The following CENPF variants were observed in gnomAD, a reference collection of about 807,000 sequenced individuals.
CENPF encodes centromere protein F.
In CENPF, 214 loss-of-function variants were observed where a neutral mutation model predicts 307.3. That is an observed-to-expected ratio of 0.70 (90% CI 0.62 to 0.78). CENPF has a LOEUF of 0.78. CENPF is among the 30% of genes least tolerant of loss of function. The probability of loss-of-function intolerance (pLI) is 0.00; values close to 1 mark genes in which losing one functional copy is unlikely to be tolerated. For missense variants in CENPF, 3,401 were observed against 3,483.9 expected (o/e 0.98, Z 0.60); for synonymous variants, 1,259 against 1,270.6 (o/e 0.99, Z 0.19).
At chr1:214,636,616 A>G (rs1236991744) in intron 10 of CENPF, among the ~76,000 whole-genome samples, 1 of 152,170 alleles carries the variant, frequency 6.6e-6, no homozygotes, top group Non-Finnish European at 1.5e-5. Flanking sequence ...GCTTTGCTAC[A>G]TCGGTACCCA....
rs11120368 is a variant in CENPF, at chr1:214,628,956, C to T, written c.1069-90C>T. ...CCTAAACATAAATTGTGTGCTAAAA[C>T]AATTATAGCAGTTTTTCTAAAACAC... On this transcript the variant is annotated intron_variant, in intron 7 of 19. Transcript: ENST00000366955. 13,593 of 956,280 alleles carry T rather than the reference C, an allele frequency of 0.014. 1,188 individuals carry two copies. The African/African-American group carries it at 0.2, about 14-fold the overall frequency. 59.2% of individuals were successfully genotyped at this position (956,280 alleles called of 1,614,324 possible). A position where few individuals can be genotyped will look rare whatever the true frequency, so the allele number is the denominator to read the frequency against.
intron 5 of CENPF, 120 bp downstream of exon 5, chr1:214,619,340 G>GTGT: frequency 1.9e-6 from 1 of 539,516 alleles, no homozygotes. Flanking sequence ...GTGTGTGTGT[G>GTGT]CTGAGAAAAG....
At chr1:214,605,633 G>C in intron 1 of CENPF, 1 of 1,507,836 alleles carries the variant, frequency 6.6e-7, no homozygotes, top group Non-Finnish European at 8.9e-7. Flanking sequence ...GTGAGGTCCG[G>C]GGGCTGCCTT....
At chr1:214,634,087 C>T (rs978347751) in intron 10 of CENPF, among the ~76,000 whole-genome samples, 10 of 152,192 alleles carry the variant, frequency 6.6e-5, no homozygotes, top group East Asian at 1.9e-4. Flanking sequence ...TTCATCCCCA[C>T]GAGGTCTGGT....
In CENPF at chr1:214,646,524, C is replaced by G; in HGVS notation, c.6954C>G (p.Leu2318=). 1 of 1,614,108 alleles carries G rather than the reference C, an allele frequency of 6.2e-7. No individual in the cohort carries two copies. Residue 2318 remains leucine, a synonymous_variant, in exon 13 of 20, where the codon CTC becomes CTG. Transcript: ENST00000366955. ...ARLEADEKKQ[L]CVLQQLKESE... Reference sequence around the variant, plus strand: ...TAGAAGCTGATGAAAAGAAGCAGCTCTGTGTCTTACAACAACTGAAGGAAA... The same window carrying G: ...TAGAAGCTGATGAAAAGAAGCAGCTGTGTGTCTTACAACAACTGAAGGAAA...
rs371608412 is a variant in CENPF at position 214,641,605 on chromosome 1, A to C, written c.3267A>C (p.Leu1089Phe). Residue 1089 changes from leucine (L) to phenylalanine (F), a missense_variant, in exon 12 of 20, where the codon TTA becomes TTC. Physicochemically the swap from Leu to Phe is conservative, Grantham distance 22. Transcript: ENST00000366955. ...AKEHQEFLTK[L>F]AFAEERNQNL... ...AACACCAAGAATTCTTAACAAAATT[A>C]GCATTTGCTGAAGAAAGAAATCAGA... The C allele has an allele frequency of 1.3e-6, 2 of 1,555,794 alleles. No homozygotes were observed. The highest frequency in any genetic ancestry group is 2.3e-5 in the East Asian group (1 of 44,028).
intron 1 of CENPF, chr1:214,605,544 G>T: frequency 1.5e-6 from 1 of 651,072 alleles, no homozygotes; most frequent in Middle Eastern, 4.2e-4. Context: ...CCTGTACATC[G>T]TCCACAGCCC....
rs1658004595 is a variant in CENPF at position 214,637,872 on chromosome 1, A to G, written c.1453A>G (p.Lys485Glu). 1.9e-6 allele frequency: 3 copies of G among 1,601,176 alleles called. No individual in the cohort carries two copies. Among genetic ancestry groups the G allele is most frequent in the African/African-American group, 1.3e-5 (1 of 74,142 alleles). ...ATTAAAATGTGTGTTTTAGGAAATG[A>G]AGAAGGAAAACAACCTCCTTAAGAG... ...NELRRSMEEMKKENNLLKSHS... is the reference protein window; with the variant it reads ...NELRRSMEEMEKENNLLKSHS... The change falls in exon 11 of 20, where the codon AAG becomes GAG. Residue 485 changes from lysine to glutamate, a missense_variant. Physicochemically the swap from Lys to Glu is moderately conservative, Grantham distance 56. Transcript: ENST00000366955.
chr1:214,643,969 A>C (rs1056175337), intron 12 of CENPF, among the ~76,000 whole-genome samples: 1 of 152,196 alleles, frequency 6.6e-6, no homozygotes, highest in Non-Finnish European at 1.5e-5. Context: ...TCCTCTGTCT[A>C]TCTCTGTGAG....
intron 13 of CENPF, chr1:214,647,975 T>G (rs756144019): frequency 4.0e-6 from 2 of 504,018 alleles, no homozygotes; most frequent in Non-Finnish European, 7.9e-6. Context: ...AGTTGATGAT[T>G]AAAGGGAAGA....
Position 214,663,815 on chromosome 1 carries a change from C to T in CENPF, c.*21C>T. On this transcript the variant is annotated 3_prime_UTR_variant, in exon 20 of 20. Transcript: ENST00000366955. ...AGTGAAGGCACTTTGTGTGTCAGTA[C>T]CCCTGGGAGGTGCCAGTCATTGAAT... 1 of 1,597,824 alleles carries T rather than the reference C, an allele frequency of 6.3e-7. No homozygotes were observed. The highest frequency in any genetic ancestry group is 8.6e-7 in the Non-Finnish European group (1 of 1,167,188).
rs761853222 is a variant in CENPF at position 214,615,024 on chromosome 1, A to T, written c.355A>T (p.Lys119Ter). 1.9e-6 allele frequency: 3 copies of T among 1,595,322 alleles called. No individual in the cohort carries two copies. The highest frequency in any genetic ancestry group is 2.6e-6 in the Non-Finnish European group (3 of 1,171,738). Residue 119 changes from lysine to a stop codon, truncating the protein, a stop_gained, in exon 3 of 20, where the codon AAA (lysine) becomes TAA (stop). Transcript: ENST00000366955. LOFTEE classifies it high-confidence loss of function. Reference protein sequence around the residue: ...KQIEKLEQELKRCKSELERSQ... With the variant: ...KQIEKLEQEL ...AATAGAAAAACTGGAACAGGAACTTAAAAGGTAATATTTTGGGATGGTATT... is the reference window on the plus strand; with the variant it reads ...AATAGAAAAACTGGAACAGGAACTTTAAAGGTAATATTTTGGGATGGTATT...
chr1:214,616,709 T>G, intron 3 of CENPF, among the ~76,000 whole-genome samples: 1 of 152,198 alleles, frequency 6.6e-6, no homozygotes, highest in East Asian at 1.9e-4. Flanking sequence ...GTGGTTTGAT[T>G]TGCTGAGAAG....
At chr1:214,633,624 G>A (rs151300946) in intron 10 of CENPF, among the ~76,000 whole-genome samples, 4 of 152,346 alleles carry the variant, frequency 2.6e-5, no homozygotes, top group African/African-American at 9.6e-5. Context: ...TTTGCAGAGT[G>A]TATCATGATG....
rs1379827783 is a variant in CENPF at position 214,619,186 on chromosome 1, G to C, written c.539G>C (p.Arg180Thr). 1.3e-6 allele frequency: 2 copies of C among 1,588,078 alleles called. No individual in the cohort carries two copies. Among genetic ancestry groups the C allele is most frequent in the Non-Finnish European group, 1.7e-6 (2 of 1,159,162 alleles). Reference sequence around the variant, plus strand: ...AATAAAGAGGTTGAAGAACGAAAAAGATTAGAGGCAGAGGTTAAAGCCTTG... The same window carrying C: ...AATAAAGAGGTTGAAGAACGAAAAACATTAGAGGCAGAGGTTAAAGCCTTG... ...KYNKEVEERKRLEAEVKALQA... is the reference protein window; with the variant it reads ...KYNKEVEERKTLEAEVKALQA... The change falls in exon 5 of 20, where the codon AGA (arginine) becomes ACA (threonine). Residue 180 changes from arginine to threonine, a missense_variant. Transcript: ENST00000366955.
In CENPF at chr1:214,659,860, G is replaced by A. The variant is rs1658746615; in HGVS notation, c.9141+832G>A. On this transcript the variant is annotated intron_variant, in intron 19 of 19. Coordinates refer to ENST00000366955, the MANE Select transcript of CENPF (RefSeq NM_016343.4). The surrounding 1 kb of genome is among the most constrained non-coding windows in gnomAD (Gnocchi z 4.4). The stretch of plus-strand genomic sequence containing the variant: ...GACTGGGGACTAGGGGGATATTTTT[G>A]GAAGTTGCTGGAATAGCTTCAAAGA... Among the ~76,000 whole-genome samples, 1 of 152,076 alleles carries A rather than the reference G, an allele frequency of 6.6e-6. No homozygotes were observed. Among genetic ancestry groups the A allele is most frequent in the African/African-American group, 2.4e-5 (1 of 41,398 alleles).
Position 214,658,922 on chromosome 1 carries a change from GC to G in CENPF, c.9040del (p.Arg3014AlafsTer7), listed in dbSNP as rs755965575. 5.2e-5 allele frequency: 84 copies of G among 1,613,962 alleles called. No homozygotes were observed. The highest frequency in any genetic ancestry group is 6.7e-5 in the Non-Finnish European group (79 of 1,179,996). ...AGAACAACCATGGCAACTCGGACCA[GC>G]CCCCGCCTGGCTGCACAGAAGTTAG... is the stretch of plus-strand genomic sequence containing the variant. ...LRRTTMATRT[S>X]PRLAAQKLAL... On this transcript the variant is annotated frameshift_variant, in exon 19 of 20. Coordinates refer to ENST00000366955, the MANE Select transcript of CENPF (RefSeq NM_016343.4). LOFTEE classifies it high-confidence loss of function.
chr1:214,623,848 A>G (rs1657580849), intron 7 of CENPF, among the ~76,000 whole-genome samples: 1 of 152,202 alleles, frequency 6.6e-6, no homozygotes, highest in South Asian at 2.1e-4. Flanking sequence ...CATAGATAGT[A>G]TGGTATATGG....
chr1:214,646,564 G>A lies in CENPF; in HGVS notation c.6994G>A (p.Asp2332Asn), dbSNP rs1024484243. 2 of 1,614,004 alleles carry A rather than the reference G, an allele frequency of 1.2e-6. No homozygotes were observed. Among genetic ancestry groups the A allele is most frequent in the Non-Finnish European group, 1.7e-6 (2 of 1,180,010 alleles). The change falls in exon 13 of 20, where the codon GAT (aspartate) becomes AAT (asparagine). Residue 2332 changes from aspartate (D) to asparagine (N), a missense_variant. Asp to Asn is a conservative substitution (Grantham distance 23, BLOSUM62 1). Coordinates refer to ENST00000366955, the MANE Select transcript of CENPF (RefSeq NM_016343.4). ...ACTGAAGGAAAGTGAGCATCATGCA[G>A]ATTTACTTAAGGGTAGAGTGGAGAA... ...QQLKESEHHA[D>N]LLKGRVENLE...
Sources: allele counts gnomAD v4.1 joint callset (sites outside exome capture counted in the v4.1 genomes callset), GRCh38; gene constraint gnomAD v4.1.1; non-coding constraint Gnocchi (gnomAD v3.1); transcripts MANE v1.5; gene names NCBI Gene and HGNC (gene_info 2026-07-23, HGNC 2026-07-21).